The following RYR3 variants were observed in gnomAD, a reference collection of about 807,000 sequenced individuals.
RYR3 encodes the protein ryanodine receptor 3.
In RYR3, 207 loss-of-function variants were observed where a neutral mutation model predicts 584.3. The observed-to-expected ratio is 0.35, with a 90% CI of 0.32 to 0.40. RYR3 has a LOEUF of 0.40. Ranked by LOEUF, RYR3 falls within the 10% of genes least tolerant of loss-of-function variation. RYR3 has a pLI of 1.00. For synonymous variants in RYR3, 2,416 were observed against 2,248.5 expected (o/e 1.07, Z -2.11); for missense variants, 5,616 against 6,089.2 (o/e 0.92, Z 2.59).
chr15:33,738,695 G>A, intron 50 of RYR3, 105 bp downstream of exon 50: 2 of 1,252,558 alleles, frequency 1.6e-6, no homozygotes, highest in Non-Finnish European at 1.1e-6. Context: ...CAGGACCTGT[G>A]CTAAGTACTT....
At chr15:33,777,790 A>G (rs757354912) in intron 64 of RYR3, among the ~76,000 whole-genome samples, 1,937 of 22,172 alleles carry the variant, frequency 0.087, 27 homozygotes, top group Middle Eastern at 0.27. Context: ...AGAAAGAGGA[A>G]AAAAAAAAAA....
rs1264434931 is a variant in RYR3, at chr15:33,581,562, G to A, written c.1492G>A (p.Val498Ile). 39 of 1,613,248 alleles carry A rather than the reference G, an allele frequency of 2.4e-5. No individual in the cohort carries two copies. The highest frequency in any genetic ancestry group is 3.3e-4 in the Middle Eastern group (2 of 6,056). The change falls in exon 14 of 104, where the codon GTA becomes ATA. Residue 498 changes from valine (V) to isoleucine (I), a missense_variant. By Grantham distance (29) the Val-to-Ile change is conservative. Transcript: ENST00000634891. ...TGACCGCTTAAATGTCTACAATAGC[G>A]TAGCACACTTTGCAGGGATTGCAAG... ...CIDRLNVYNS[V>I]AHFAGIAREE...
chr15:33,731,388 A>G, intron 47 of RYR3, 86 bp from the exon 48 acceptor site: 1 of 908,976 alleles, frequency 1.1e-6, no homozygotes, highest in South Asian at 1.4e-5. Flanking sequence ...AAGCTCCCAC[A>G]GCTTGCTACA....
intron 1 of RYR3, among the ~76,000 whole-genome samples, chr15:33,336,156 A>C (rs1970938694): frequency 6.6e-6 from 1 of 152,100 alleles, no homozygotes; most frequent in African/African-American, 2.4e-5. Flanking sequence ...AAAGATCAGC[A>C]AAAAGCACCA....
At chr15:33,644,842 T>A (rs1206626724) in intron 28 of RYR3, among the ~76,000 whole-genome samples, 2 of 151,940 alleles carry the variant, frequency 1.3e-5, no homozygotes, top group African/African-American at 4.8e-5. Context: ...ACTTTTCTGT[T>A]TTTTTTTCTT....
intron 16 of RYR3, among the ~76,000 whole-genome samples, chr15:33,589,641 A>G (rs932229199): frequency 2.0e-5 from 3 of 152,140 alleles, no homozygotes; most frequent in Non-Finnish European, 2.9e-5. Context: ...TTTTGTATTT[A>G]GTGAAAGAGA....
At chr15:33,513,780 C>T (rs141440969) in intron 3 of RYR3, among the ~76,000 whole-genome samples, 546 of 152,286 alleles carry the variant, frequency 3.6e-3, no homozygotes, top group Middle Eastern at 6.8e-3. Flanking sequence ...CTTGCTGTCC[C>T]ACCTGCAAAA....
intron 2 of RYR3, among the ~76,000 whole-genome samples, chr15:33,487,785 T>G (rs900530207): frequency 2.0e-5 from 3 of 152,206 alleles, no homozygotes; most frequent in African/African-American, 7.2e-5. Flanking sequence ...GGTGAAGGGT[T>G]GGGATGCAAT....
intron 8 of RYR3, among the ~76,000 whole-genome samples, chr15:33,546,626 A>T (rs558570819): frequency 2.6e-5 from 4 of 152,300 alleles, no homozygotes; most frequent in Non-Finnish European, 4.4e-5. Context: ...TAAACATTTT[A>T]AAAAGTCCTT....
intron 47 of RYR3, 131 bp downstream of exon 47, chr15:33,729,157 T>A (rs1308213593): frequency 1.3e-6 from 1 of 758,610 alleles, no homozygotes; most frequent in East Asian, 2.7e-5. Context: ...GGTGAGAAAA[T>A]AGAGGTATCA....
intron 80 of RYR3, among the ~76,000 whole-genome samples, chr15:33,821,948 G>C (rs1429165385): frequency 1.3e-5 from 2 of 152,052 alleles, no homozygotes; most frequent in Non-Finnish European, 2.9e-5. Flanking sequence ...GCTGCCTTTA[G>C]TATGAGCAAG....
chr15:33,554,836 A>G (rs2056960667), intron 10 of RYR3, among the ~76,000 whole-genome samples: 1 of 152,226 alleles, frequency 6.6e-6, no homozygotes, highest in South Asian at 2.1e-4. Context: ...TTGTCTGTTT[A>G]GATGTCATGA....
At chr15:33,565,430 A>G (rs972750752) in intron 11 of RYR3, among the ~76,000 whole-genome samples, 10 of 152,224 alleles carry the variant, frequency 6.6e-5, no homozygotes, top group Admixed American at 1.3e-4. Context: ...TCTTGTTTCA[A>G]AAATGAACAA....
intron 58 of RYR3, 121 bp downstream of exon 58, chr15:33,755,301 C>A: frequency 1.4e-6 from 1 of 689,760 alleles, no homozygotes; most frequent in South Asian, 1.9e-5. Context: ...AAAACAGTGG[C>A]TGAAATTTTT....
At chr15:33,440,951 ACT>A (rs1480715828) in intron 1 of RYR3, among the ~76,000 whole-genome samples, 3 of 152,116 alleles carry the variant, frequency 2.0e-5, no homozygotes, top group Non-Finnish European at 2.9e-5. Context: ...GAGCAGTAAG[ACT>A]CTCACTGGCT....
chr15:33,612,369 T>G (rs144550849), intron 18 of RYR3, among the ~76,000 whole-genome samples: 305 of 152,288 alleles, frequency 2.0e-3, no homozygotes, highest in African/African-American at 7.0e-3. Flanking sequence ...TTTTGTTTGT[T>G]TGTTTTTTGA....
intron 8 of RYR3, among the ~76,000 whole-genome samples, chr15:33,544,344 TA>T (rs5811769): frequency 5.0e-4 from 76 of 150,564 alleles, no homozygotes; most frequent in African/African-American, 1.4e-3. Flanking sequence ...ATCTGATATT[TA>T]AAAAAAAAAT....
chr15:33,509,878 T>G (rs1224021093), intron 3 of RYR3, among the ~76,000 whole-genome samples: 1 of 152,222 alleles, frequency 6.6e-6, no homozygotes, highest in Non-Finnish European at 1.5e-5. Context: ...TACACCTGAT[T>G]GGTAAGAACA....
intron 37 of RYR3, among the ~76,000 whole-genome samples, chr15:33,669,862 G>GTC (rs59643451): frequency 2.3e-5 from 1 of 43,536 alleles, no homozygotes; most frequent in Non-Finnish European, 5.3e-5. Flanking sequence ...GGGGGGGTGT[G>GTC]GGTGTGTGGG....
Sources: allele counts gnomAD v4.1 joint callset (sites outside exome capture counted in the v4.1 genomes callset), GRCh38; gene constraint gnomAD v4.1.1; transcripts MANE v1.5; gene names NCBI Gene and HGNC (gene_info 2026-07-23, HGNC 2026-07-21).